ATF7IP2: variants seen among roughly 807,000 people sequenced by gnomAD.
ATF7IP2 encodes the protein activating transcription factor 7-interacting protein 2.
Under a neutral mutation model 64.2 loss-of-function variants are expected in ATF7IP2, and 42 were observed. That is an observed-to-expected ratio of 0.65 (90% CI 0.51 to 0.85). The LOEUF is 0.85. Among genes scored for constraint, ATF7IP2 ranks in the 40% least tolerant of loss-of-function variants. The pLI is 0.00. For missense variants in ATF7IP2, 933 were observed against 784.2 expected (o/e 1.19, Z -2.27); for synonymous variants, 308 against 272.8 (o/e 1.13, Z -1.27).
intron 9 of ATF7IP2, among the ~76,000 whole-genome samples, chr16:10,460,170 G>A (rs909279096): frequency 1.1e-4 from 17 of 152,190 alleles, no homozygotes; most frequent in African/African-American, 3.9e-4. Flanking sequence ...TGGAAAAGCT[G>A]TAACACCATT....
At position 10,468,581 on chromosome 16, in the gene ATF7IP2, C is replaced by G. The variant is rs1255016589; in HGVS notation, c.1353-3529C>G. On this transcript the variant is annotated intron_variant, in intron 9 of 13. Transcript: ENST00000562102. ...GGGATTCCAAACAGAGCCTTGTGGTCTTGCTGAGTTTAGGTCAGAGATTGG... is the reference window on the plus strand; with the variant it reads ...GGGATTCCAAACAGAGCCTTGTGGTGTTGCTGAGTTTAGGTCAGAGATTGG... Among the ~76,000 whole-genome samples the G allele has an allele frequency of 2.0e-5, 3 of 152,248 alleles. No homozygotes were observed. The East Asian group carries it at 5.8e-4, about 29-fold the overall frequency.
chr16:10,406,503 CAT>C (rs2047643600), intron 1 of ATF7IP2, among the ~76,000 whole-genome samples: 2 of 152,086 alleles, frequency 1.3e-5, no homozygotes, highest in African/African-American at 4.8e-5. Context: ...TAATAAAGAT[CAT>C]TGCAGAAGAA....
intron 12 of ATF7IP2, among the ~76,000 whole-genome samples, chr16:10,476,851 G>A (rs1222852105): frequency 1.3e-5 from 2 of 152,092 alleles, no homozygotes; most frequent in Non-Finnish European, 2.9e-5. Context: ...CCTTTTTATG[G>A]CTGCATAGTA....
chr16:10,458,849 A>AAAG (rs1567163934), intron 9 of ATF7IP2, among the ~76,000 whole-genome samples: 1 of 152,224 alleles, frequency 6.6e-6, no homozygotes, highest in African/African-American at 2.4e-5. Flanking sequence ...ATAGTCTACA[A>AAAG]AAGTTGAGTT....
chr16:10,406,522 G>C (rs749868377), intron 1 of ATF7IP2, among the ~76,000 whole-genome samples: 2 of 152,146 alleles, frequency 1.3e-5, no homozygotes, highest in Non-Finnish European at 2.9e-5. Context: ...AGAAACAAAA[G>C]ATCAATGAAA....
At chr16:10,431,805 T>C (rs1353763652) in intron 5 of ATF7IP2, among the ~76,000 whole-genome samples, 1 of 151,360 alleles carries the variant, frequency 6.6e-6, no homozygotes, top group African/African-American at 2.4e-5. Flanking sequence ...TTAAAAATTG[T>C]TGGTAACCCT....
At chr16:10,389,070 T>A (rs2047268731) in intron 1 of ATF7IP2, among the ~76,000 whole-genome samples, 1 of 151,912 alleles carries the variant, frequency 6.6e-6, no homozygotes, top group South Asian at 2.1e-4. Flanking sequence ...CTCTCGGGGC[T>A]GTTTTTTTGA....
intron 8 of ATF7IP2, 116 bp downstream of exon 8, chr16:10,440,578 T>C (rs1232483293): frequency 6.5e-6 from 4 of 615,204 alleles, no homozygotes; most frequent in Non-Finnish European, 1.1e-5. Flanking sequence ...AAGTAAGTTT[T>C]TACTTAGAGT....
chr16:10,461,955 T>C (rs920359774), intron 9 of ATF7IP2, among the ~76,000 whole-genome samples: 36 of 152,166 alleles, frequency 2.4e-4, no homozygotes, highest in African/African-American at 8.7e-4. Context: ...ACCTGTTTTC[T>C]GTTTGCCCTG....
At chr16:10,439,012 C>T (rs2048516972) in intron 7 of ATF7IP2, among the ~76,000 whole-genome samples, 1 of 137,048 alleles carries the variant, frequency 7.3e-6, no homozygotes, top group Non-Finnish European at 1.5e-5. Context: ...GAGATTGCAC[C>T]ACTGCACTCC....
chr16:10,466,186 C>T (rs1314398012), intron 9 of ATF7IP2, among the ~76,000 whole-genome samples: 1 of 152,198 alleles, frequency 6.6e-6, no homozygotes, highest in East Asian at 1.9e-4. Flanking sequence ...TGCTATTCAG[C>T]AGTTTATTCA....
intron 5 of ATF7IP2, among the ~76,000 whole-genome samples, chr16:10,432,542 C>T (rs2048290708): frequency 6.6e-6 from 1 of 152,042 alleles, no homozygotes; most frequent in South Asian, 2.1e-4. Context: ...CCAGGCTAGC[C>T]TGGGCAACAG....
intron 1 of ATF7IP2, among the ~76,000 whole-genome samples, chr16:10,399,265 C>G (rs1334042766): frequency 6.6e-6 from 1 of 152,146 alleles, no homozygotes; most frequent in African/African-American, 2.4e-5. Context: ...CTAAACTGAT[C>G]TACAAATTCA....
At chr16:10,422,326 C>G (rs935275538) in intron 3 of ATF7IP2, among the ~76,000 whole-genome samples, 1 of 152,154 alleles carries the variant, frequency 6.6e-6, no homozygotes, top group African/African-American at 2.4e-5. Flanking sequence ...GAAGCAGTTC[C>G]TTCAAACTTT....
chr16:10,460,928 G>A (rs532441601), intron 9 of ATF7IP2, among the ~76,000 whole-genome samples: 11 of 152,174 alleles, frequency 7.2e-5, no homozygotes, highest in South Asian at 4.2e-4. Flanking sequence ...GAAGATAATC[G>A]CAGCACATAT....
chr16:10,398,886 G>C (rs1029060432), intron 1 of ATF7IP2, among the ~76,000 whole-genome samples: 4 of 152,192 alleles, frequency 2.6e-5, no homozygotes, highest in African/African-American at 9.7e-5. Flanking sequence ...GGCCGAGGCA[G>C]GCAGATCACC....
intron 9 of ATF7IP2, among the ~76,000 whole-genome samples, chr16:10,457,792 G>A (rs917983232): frequency 3.3e-5 from 5 of 151,900 alleles, no homozygotes; most frequent in African/African-American, 4.8e-5. Context: ...CTGCAGCCTC[G>A]ACCTCCTTCC....
chr16:10,439,412 T>C (rs1359579201), intron 7 of ATF7IP2, among the ~76,000 whole-genome samples: 2 of 151,970 alleles, frequency 1.3e-5, no homozygotes, highest in Non-Finnish European at 2.9e-5. Flanking sequence ...ATTTTTTGTA[T>C]TTTTAGTAGA....
chr16:10,457,399 G>T lies in ATF7IP2; in HGVS notation c.1222G>T (p.Asp408Tyr), dbSNP rs746401028. 6.2e-7 allele frequency: 1 copy of T among 1,606,618 alleles called. No individual in the cohort carries two copies. Among genetic ancestry groups the T allele is most frequent in the African/African-American group, 1.3e-5 (1 of 74,570 alleles). ...KVANSEAMIL[D>Y]KNLESVNSPI... ...TGCAAATTCAGAGGCTATGATTTTG[G>T]ATAAGAATCTTGAGTCAGTTAATAG... is the stretch of plus-strand genomic sequence containing the variant. Residue 408 changes from aspartate (D) to tyrosine (Y), a missense_variant, in exon 9 of 14, where the codon GAT (aspartate) becomes TAT (tyrosine). By Grantham distance (160) the Asp-to-Tyr change is radical. Transcript: ENST00000562102.
Sources: allele counts gnomAD v4.1 joint callset (sites outside exome capture counted in the v4.1 genomes callset), GRCh38; gene constraint gnomAD v4.1.1; transcripts MANE v1.5; gene names NCBI Gene and HGNC (gene_info 2026-07-23, HGNC 2026-07-21).